The following ELL variants were observed in gnomAD, a reference collection of about 807,000 sequenced individuals.
The protein encoded by ELL is RNA polymerase II elongation factor ELL.
Under a neutral mutation model 64.0 loss-of-function variants are expected in ELL, and 18 were observed. The observed-to-expected ratio is 0.28, with a 90% confidence interval of 0.19 to 0.42. The LOEUF is 0.42. Among genes scored for constraint, ELL ranks in the 10% least tolerant of loss-of-function variants. The pLI, the probability that ELL is intolerant of heterozygous loss-of-function variation, is 1.00. For synonymous variants in ELL, 399 were observed against 376.2 expected, an observed-to-expected ratio of 1.06 and a Z score of -0.70; for missense variants, 797 against 870.4, an observed-to-expected ratio of 0.92 and a Z score of 1.06.
intron 4 of ELL, among the ~76,000 whole-genome samples, chr19:18,464,581 A>G (rs983899556): frequency 6.6e-6 from 1 of 152,188 alleles, no homozygotes; most frequent in Admixed American, 6.5e-5. Flanking sequence ...CCCTCTGCTC[A>G]GCAAAGGGAA....
chr19:18,455,094 TTGCGC>T (rs1974631343), intron 6 of ELL, among the ~76,000 whole-genome samples: 1 of 148,626 alleles, frequency 6.7e-6, no homozygotes, highest in Non-Finnish European at 1.5e-5. Flanking sequence ...TGAGCCAAGA[TTGCGC>T]CACTGCACTC....
At chr19:18,446,162 C>A (rs1051053131) in intron 10 of ELL, 147 bp downstream of exon 10, 6 of 1,023,190 alleles carry the variant, frequency 5.9e-6, no homozygotes, top group Non-Finnish European at 8.3e-6. Flanking sequence ...CATGGGGTTG[C>A]TGCATGGAGT....
intron 1 of ELL, among the ~76,000 whole-genome samples, chr19:18,491,298 A>T (rs1476191029): frequency 9.3e-6 from 1 of 107,366 alleles, no homozygotes. Context: ...TTTTTAGTAG[A>T]GATGGAGTCT....
At position 18,460,625 on chromosome 19, in the gene ELL, C is replaced by T. The variant is rs528773248; in HGVS notation, c.744+953G>A. Among the ~76,000 whole-genome samples, 8 of 152,352 alleles carry T rather than the reference C, an allele frequency of 5.3e-5. No homozygotes were observed. In the East Asian group the frequency reaches 9.6e-4, roughly 18 times the overall value. The stretch of plus-strand genomic sequence containing the variant: ...ATGTGGAACAGGGTCCCACCAGCCG[C>T]GCACCCGAGAGGGACGCCTATGAGG... On this transcript the variant is annotated intron_variant, in intron 5 of 11. Coordinates refer to ENST00000262809, the MANE Select transcript of ELL (RefSeq NM_006532.4).
chr19:18,464,335 C>T (rs1357107294), intron 4 of ELL, among the ~76,000 whole-genome samples: 2 of 152,208 alleles, frequency 1.3e-5, no homozygotes, highest in Admixed American at 6.5e-5. Flanking sequence ...CACCGCACTC[C>T]AGCCTGAGTG....
rs568532148 is a variant in ELL, at chr19:18,477,333, C to T, written c.136-4451G>A. Among the ~76,000 whole-genome samples the T allele has an allele frequency of 8.9e-4, 135 of 152,268 alleles. 1 individual carries two copies. Among genetic ancestry groups the T allele is most frequent in the Admixed American group, 1.5e-3 (23 of 15,298 alleles). Reference sequence around the variant, plus strand: ...CCCACAGTAAGAAGCCTACAGGAAACGAACACCACCTCGGTGACCTGCGGA... The same window carrying T: ...CCCACAGTAAGAAGCCTACAGGAAATGAACACCACCTCGGTGACCTGCGGA... On this transcript the variant is annotated intron_variant, in intron 1 of 11. Coordinates refer to ENST00000262809, the MANE Select transcript of ELL (RefSeq NM_006532.4).
intron 1 of ELL, among the ~76,000 whole-genome samples, chr19:18,494,978 A>T (rs1364945193): frequency 6.6e-6 from 1 of 152,212 alleles, no homozygotes; most frequent in East Asian, 1.9e-4. Flanking sequence ...ACAGCAAGGC[A>T]GAAGTCCAGG....
intron 1 of ELL, among the ~76,000 whole-genome samples, chr19:18,485,551 G>C (rs958961062): frequency 1.3e-5 from 2 of 152,120 alleles, no homozygotes; most frequent in African/African-American, 4.8e-5. Context: ...GGAGACCAGG[G>C]AGACCAGGTC....
chr19:18,491,195 A>G (rs1387068600), intron 1 of ELL, among the ~76,000 whole-genome samples: 1 of 120,082 alleles, frequency 8.3e-6, no homozygotes, highest in Non-Finnish European at 1.7e-5. Flanking sequence ...CAATCCTCCC[A>G]CCTCAGCCTC....
intron 2 of ELL, among the ~76,000 whole-genome samples, chr19:18,470,596 G>T (rs935005441): frequency 1.1e-4 from 16 of 152,352 alleles, no homozygotes; most frequent in African/African-American, 3.6e-4. Flanking sequence ...AACTGGCTAG[G>T]CTGCAGCCCC....
intron 2 of ELL, among the ~76,000 whole-genome samples, chr19:18,466,865 A>C (rs865900467): frequency 3.3e-5 from 5 of 152,248 alleles, no homozygotes; most frequent in African/African-American, 7.2e-5. Context: ...CTTGGCACCC[A>C]AGCCCCGTCT....
intron 2 of ELL, among the ~76,000 whole-genome samples, chr19:18,466,827 A>C (rs1974946968): frequency 6.6e-6 from 1 of 152,192 alleles, no homozygotes; most frequent in Admixed American, 6.5e-5. Flanking sequence ...GGGAGCCCTC[A>C]GGTCTTGTCC....
intron 10 of ELL, 48 bp from the exon 11 acceptor site, chr19:18,445,316 C>G (rs747650223): frequency 3.8e-6 from 6 of 1,599,552 alleles, no homozygotes. Context: ...TCCCCGCCTA[C>G]AGGAAACCCA....
At chr19:18,470,504 T>C (rs781313094) in intron 2 of ELL, among the ~76,000 whole-genome samples, 1 of 152,182 alleles carries the variant, frequency 6.6e-6, no homozygotes, top group African/African-American at 2.4e-5. Flanking sequence ...CCTGAGAGAA[T>C]GTCCTGGGGA....
At chr19:18,454,311 A>G (rs942070876) in intron 6 of ELL, among the ~76,000 whole-genome samples, 1 of 151,758 alleles carries the variant, frequency 6.6e-6, no homozygotes, top group Non-Finnish European at 1.5e-5. Context: ...CATCCTGGCT[A>G]ACACGGTGAA....
chr19:18,494,864 C>T (rs1975614909), intron 1 of ELL, among the ~76,000 whole-genome samples: 1 of 152,222 alleles, frequency 6.6e-6, no homozygotes, highest in Admixed American at 6.5e-5. Context: ...CCTCACCTTC[C>T]TCCACTTCCC....
intron 1 of ELL, among the ~76,000 whole-genome samples, chr19:18,517,001 TCCA>T (rs1976145510): frequency 6.6e-6 from 1 of 152,042 alleles, no homozygotes; most frequent in Admixed American, 6.6e-5. Flanking sequence ...TGTGCTCCTC[TCCA>T]CCAAGGAGCT....
intron 1 of ELL, among the ~76,000 whole-genome samples, chr19:18,475,440 C>T (rs570806767): frequency 6.6e-6 from 1 of 151,898 alleles, no homozygotes; most frequent in East Asian, 1.9e-4. Context: ...AGCCACCTGG[C>T]AGTTTTCTAA....
intron 1 of ELL, among the ~76,000 whole-genome samples, chr19:18,515,940 C>T (rs1976118659): frequency 6.6e-6 from 1 of 152,116 alleles, no homozygotes; most frequent in Admixed American, 6.5e-5. Context: ...GGCAAGTGGT[C>T]AAGATGATGT....
Sources: allele counts gnomAD v4.1 joint callset (sites outside exome capture counted in the v4.1 genomes callset), GRCh38; gene constraint gnomAD v4.1.1; transcripts MANE v1.5; gene names NCBI Gene and HGNC (gene_info 2026-07-23, HGNC 2026-07-21).